The following PHAX variants were observed in gnomAD, a reference collection of about 807,000 sequenced individuals.
PHAX encodes the protein phosphorylated adapter RNA export protein.
PHAX carries 31 observed loss-of-function variants against 41.6 expected under a neutral mutation model. The ratio of observed to expected loss-of-function variants is 0.75; its 90% confidence interval spans 0.56 to 1.01. The LOEUF (loss-of-function observed/expected upper bound fraction) is 1.01, where lower values mean the gene tolerates loss of function less well. Among genes scored for constraint, PHAX ranks in the 50% least tolerant of loss-of-function variants. The pLI is 0.00. For synonymous variants in PHAX, 175 were observed against 164.9 expected, an observed-to-expected ratio of 1.06 and a Z score of -0.47; for missense variants, 453 against 472.9, an observed-to-expected ratio of 0.96 and a Z score of 0.39.
chr5:126,612,885 T>C (rs569749769), intron 3 of PHAX, among the ~76,000 whole-genome samples: 13 of 152,112 alleles, frequency 8.5e-5, no homozygotes, highest in Non-Finnish European at 1.3e-4. Context: ...AATTTCCTAG[T>C]GGATTAGATG....
intron 2 of PHAX, among the ~76,000 whole-genome samples, chr5:126,606,087 T>G (rs1751983039): frequency 6.6e-6 from 1 of 152,222 alleles, no homozygotes; most frequent in Non-Finnish European, 1.5e-5. Context: ...ATATTTCATA[T>G]AAATGGTGTC....
At chr5:126,624,464 T>G in intron 4 of PHAX, 111 bp from the exon 5 acceptor site, 1 of 850,864 alleles carries the variant, frequency 1.2e-6, no homozygotes. Context: ...AGCCTAATAA[T>G]ACTTGTATTT....
chr5:126,608,828 CAGG>C (rs1234357605), intron 3 of PHAX, among the ~76,000 whole-genome samples: 4 of 151,372 alleles, frequency 2.6e-5, no homozygotes, highest in Admixed American at 6.6e-5. Context: ...CGCAGCTACT[CAGG>C]AGGCTGAGGC....
Position 126,617,262 on chromosome 5 carries a change from A to G in PHAX, c.844A>G (p.Arg282Gly). The G allele has an allele frequency of 6.2e-7, 1 of 1,609,424 alleles. No homozygotes were observed. Among genetic ancestry groups the G allele is most frequent in the Non-Finnish European group, 8.5e-7 (1 of 1,176,350 alleles). ...TTCCTTTTTGTAGAATGGTAGTCGA[A>G]GAAGAACACCAGGTGGAGTTTTTCT... Reference protein sequence around the residue: ...GGLFIMNGSRRRTPGGVFLNL... With the variant: ...GGLFIMNGSRGRTPGGVFLNL... The change falls in exon 4 of 5, where the codon AGA (arginine) becomes GGA (glycine). Residue 282 changes from arginine (R) to glycine (G), a missense_variant. By Grantham distance (125) the Arg-to-Gly change is moderately radical. Coordinates refer to ENST00000297540, the MANE Select transcript of PHAX (RefSeq NM_032177.4).
At chr5:126,605,951 A>C (rs1490406064) in intron 2 of PHAX, among the ~76,000 whole-genome samples, 1 of 151,980 alleles carries the variant, frequency 6.6e-6, no homozygotes, top group African/African-American at 2.4e-5. Context: ...TATAACCATC[A>C]CCTCTGAAAC....
Position 126,600,983 on chromosome 5 carries a change from T to C in PHAX, c.21T>C (p.Asp7=), listed in dbSNP as rs140319333. The change falls in exon 1 of 5, where the codon GAT becomes GAC. Residue 7 remains aspartate (D), a synonymous_variant. Coordinates refer to ENST00000297540, the MANE Select transcript of PHAX (RefSeq NM_032177.4). MALEVG[D]MEDGQLSDSD... is the part of the protein sequence containing the mutation. ...GGAAGATGGCGTTGGAGGTCGGCGA[T>C]ATGGAAGATGGGCAGCTTTCCGACT... The C allele has an allele frequency of 7.2e-5, 115 of 1,603,944 alleles. No individual in the cohort carries two copies. In the African/African-American group the frequency reaches 1.3e-3, roughly 19 times the overall value.
At chr5:126,612,277 G>GC (rs1302457182) in intron 3 of PHAX, among the ~76,000 whole-genome samples, 1 of 152,194 alleles carries the variant, frequency 6.6e-6, no homozygotes, top group Non-Finnish European at 1.5e-5. Flanking sequence ...GAGTGCATGA[G>GC]AGAGTGAGTA....
At chr5:126,621,739 A>T (rs543811943) in intron 4 of PHAX, among the ~76,000 whole-genome samples, 215 of 147,886 alleles carry the variant, frequency 1.5e-3, no homozygotes, top group African/African-American at 5.3e-3. Flanking sequence ...TTGTTCAAAG[A>T]AAAAAAAAAG....
rs192343212 is a variant in PHAX at position 126,613,855 on chromosome 5, A to T, written c.832-3395A>T. Among the ~76,000 whole-genome samples the T allele has an allele frequency of 1.9e-3, 280 of 151,026 alleles. 3 individuals carry two copies. Among genetic ancestry groups the T allele is most frequent in the African/African-American group, 6.5e-3 (267 of 41,048 alleles). On this transcript the variant is annotated intron_variant, in intron 3 of 4. Coordinates refer to ENST00000297540, the MANE Select transcript of PHAX (RefSeq NM_032177.4). ...CAGTGGCACAATCGCAGGTCACTGC[A>T]GCCTCGACCTCCCTGGCTCAAGCAG...
At chr5:126,616,774 G>A (rs1752192612) in intron 3 of PHAX, among the ~76,000 whole-genome samples, 1 of 151,770 alleles carries the variant, frequency 6.6e-6, no homozygotes, top group Non-Finnish European at 1.5e-5. Context: ...CAGCTACTCA[G>A]GAGGCTGAGG....
Position 126,627,121 on chromosome 5 carries a change from C to G in PHAX, c.*2277C>G, listed in dbSNP as rs1486762624. 1 of 152,150 alleles carries G rather than the reference C, an allele frequency of 6.6e-6. No individual in the cohort carries two copies. Among genetic ancestry groups the G allele is most frequent in the Admixed American group, 6.6e-5 (1 of 15,266 alleles). 9.4% of individuals were successfully genotyped at this position (152,150 alleles called of 1,614,324 possible). On this transcript the variant is annotated 3_prime_UTR_variant, in exon 5 of 5. Transcript: ENST00000297540. ...GCAATTATAAACTGTTCCTTACAGA[C>G]AGTGTACTTGAAGTCTTTTGGTAGT...
At chr5:126,611,791 GAAAA>G (rs953528015) in intron 3 of PHAX, among the ~76,000 whole-genome samples, 2 of 134,800 alleles carry the variant, frequency 1.5e-5, no homozygotes, top group Admixed American at 1.5e-4. Flanking sequence ...ACCCTGTCTC[GAAAA>G]AAAAAAAAAA....
At chr5:126,605,500 G>A (rs900816559) in intron 2 of PHAX, among the ~76,000 whole-genome samples, 5 of 151,966 alleles carry the variant, frequency 3.3e-5, no homozygotes, top group African/African-American at 7.3e-5. Flanking sequence ...TTGCTTGAAC[G>A]TGAGAGAGCC....
chr5:126,616,090 T>C (rs1456036093), intron 3 of PHAX, among the ~76,000 whole-genome samples: 1 of 130,426 alleles, frequency 7.7e-6, no homozygotes, highest in Non-Finnish European at 1.5e-5. Context: ...CATGAGACTT[T>C]GTCTCAAAAA....
In PHAX at chr5:126,601,056, C is replaced by T. The variant is rs1398892181; in HGVS notation, c.94C>T (p.Pro32Ser). The T allele has an allele frequency of 2.5e-6, 4 of 1,603,578 alleles. No homozygotes were observed. Among genetic ancestry groups the T allele is most frequent in the Non-Finnish European group, 3.4e-6 (4 of 1,174,246 alleles). Reference sequence around the variant, plus strand: ...ACCCAGCGACAGGCCGCTGCAATTGCCAGTGAGTGTGAAAGGAGGGTGGGT... The same window carrying T: ...ACCCAGCGACAGGCCGCTGCAATTGTCAGTGAGTGTGAAAGGAGGGTGGGT... Reference protein sequence around the residue: ...VAPSDRPLQLPKVLGGDSAMR... With the variant: ...VAPSDRPLQLSKVLGGDSAMR... The change falls in exon 1 of 5, where the codon CCA becomes TCA. Residue 32 changes from proline (P) to serine (S), a missense_variant and splice_region_variant. By Grantham distance (74) the Pro-to-Ser change is moderately conservative. Transcript: ENST00000297540.
At chr5:126,613,365 A>T (rs1313938798) in intron 3 of PHAX, among the ~76,000 whole-genome samples, 3 of 152,116 alleles carry the variant, frequency 2.0e-5, no homozygotes, top group Non-Finnish European at 4.4e-5. Flanking sequence ...TAAATAAACA[A>T]GCCAATTTAT....
At chr5:126,610,872 AT>A in intron 3 of PHAX, among the ~76,000 whole-genome samples, 1 of 151,788 alleles carries the variant, frequency 6.6e-6, no homozygotes, top group Middle Eastern at 3.4e-3. Context: ...CGCTTGGCTA[AT>A]TTTTTGTGTT....
rs1446071732 is a variant in PHAX, at chr5:126,606,068, C to T, written c.710+1885C>T. Among the ~76,000 whole-genome samples the T allele has an allele frequency of 3.3e-5, 5 of 152,110 alleles. No individual in the cohort carries two copies. The East Asian group carries it at 5.8e-4, about 18-fold the overall frequency. On this transcript the variant is annotated intron_variant, in intron 2 of 4. Coordinates refer to ENST00000297540, the MANE Select transcript of PHAX (RefSeq NM_032177.4). The stretch of plus-strand genomic sequence containing the variant: ...ATCTACTTTCTGTCTATAAATTTGC[C>T]TTTTTTGGATATTTCATATAAATGG...
At chr5:126,624,080 C>G (rs1752311453) in intron 4 of PHAX, among the ~76,000 whole-genome samples, 1 of 149,208 alleles carries the variant, frequency 6.7e-6, no homozygotes, top group African/African-American at 2.5e-5. Flanking sequence ...ACAGTCTCGG[C>G]TCACTGCAAC....
Sources: allele counts gnomAD v4.1 joint callset (sites outside exome capture counted in the v4.1 genomes callset), GRCh38; gene constraint gnomAD v4.1.1; transcripts MANE v1.5; gene names NCBI Gene and HGNC (gene_info 2026-07-23, HGNC 2026-07-21).